Variants in NUP98 observed in about 807,000 individuals in gnomAD.
NUP98 encodes nucleoporin 98 and 96 precursor, also known as nuclear pore complex protein Nup98-Nup96.
Under a neutral mutation model 191.9 loss-of-function variants are expected in NUP98, and 26 were observed. The ratio of observed to expected loss-of-function variants is 0.14; its 90% confidence interval spans 0.10 to 0.19. The LOEUF (loss-of-function observed/expected upper bound fraction) is 0.19. Among genes scored for constraint, NUP98 ranks in the 10% least tolerant of loss-of-function variants. The pLI, the probability that NUP98 is intolerant of heterozygous loss-of-function variation, is 1.00. For missense variants in NUP98, 1,941 were observed against 2,178.8 expected (o/e 0.89, Z 2.17); for synonymous variants, 808 against 778.4 (o/e 1.04, Z -0.63).
Position 3,675,110 on chromosome 11 carries a change from T to A in NUP98, c.*1049A>T, listed in dbSNP as rs574092709. On this transcript the variant is annotated 3_prime_UTR_variant, in exon 33 of 33. Coordinates refer to ENST00000324932, the MANE Select transcript of NUP98 (RefSeq NM_016320.5). ...TTTATTTATACATATATATATTTTTTAATAAAAACCTTTACATTATCTTCA... is the reference window on the plus strand; with the variant it reads ...TTTATTTATACATATATATATTTTTAAATAAAAACCTTTACATTATCTTCA... 163 of 184,448 alleles carry A rather than the reference T, an allele frequency of 8.8e-4. 1 individual carries two copies. The highest frequency in any genetic ancestry group is 1.5e-3 in the Non-Finnish European group (132 of 86,612). 11.4% of individuals were successfully genotyped at this position (184,448 alleles called of 1,614,324 possible). A position where few individuals can be genotyped will look rare whatever the true frequency, so the allele number is the denominator to read the frequency against.
Position 3,711,748 on chromosome 11 carries a change from A to G in NUP98, c.2742+816T>C, listed in dbSNP as rs192131929. 6.4e-5 allele frequency: 37 copies of G among 582,246 alleles called. No homozygotes were observed. In the African/African-American group the frequency reaches 6.8e-4, roughly 11 times the overall value. The allele number at this position is 582,246 out of a possible 1,614,324, so 36.1% of individuals were successfully genotyped here. ...ATGCTACCAAGATTATAAACATAAA[A>G]GTCAATATATTTCCAGTTTCCCACA... is the stretch of plus-strand genomic sequence containing the variant. On this transcript the variant is annotated intron_variant, in intron 20 of 32. Transcript: ENST00000324932.
rs1014978256 is a variant in NUP98, at chr11:3,762,767, A to G, written c.1086+135T>C. 1.6e-5 allele frequency: 14 copies of G among 865,254 alleles called. No individual in the cohort carries two copies. The African/African-American group carries it at 2.1e-4, about 13-fold the overall frequency. The allele number at this position is 865,254 out of a possible 1,614,324, so 53.6% of individuals were successfully genotyped here. On this transcript the variant is annotated intron_variant, in intron 9 of 32. Coordinates refer to ENST00000324932, the MANE Select transcript of NUP98 (RefSeq NM_016320.5). ...TTATATCAAATAATTTTTTGTTCTC[A>G]GAATCAAATCATATTAGGCTGGTGC... is the stretch of plus-strand genomic sequence containing the variant.
chr11:3,769,526 T>C (rs928956367), intron 7 of NUP98, among the ~76,000 whole-genome samples: 1 of 143,156 alleles, frequency 7.0e-6, no homozygotes, highest in Non-Finnish European at 1.5e-5. Flanking sequence ...CAGTGAGCTA[T>C]GATTGCTCCA....
At chr11:3,733,238 AT>A (rs2079912331) in intron 13 of NUP98, among the ~76,000 whole-genome samples, 1 of 151,718 alleles carries the variant, frequency 6.6e-6, no homozygotes, top group African/African-American at 2.4e-5. Flanking sequence ...CTTTCTTATG[AT>A]TTGCCTATTC....
At chr11:3,691,930 C>G (rs1005945375) in intron 27 of NUP98, among the ~76,000 whole-genome samples, 20 of 152,098 alleles carry the variant, frequency 1.3e-4, no homozygotes, top group Admixed American at 1.2e-3. Context: ...TGGCTTGAGC[C>G]TATAATCCCA....
chr11:3,724,985 G>A (rs2079560101), intron 15 of NUP98, 118 bp downstream of exon 15: 1 of 553,528 alleles, frequency 1.8e-6, no homozygotes, highest in Non-Finnish European at 3.2e-6. Context: ...TCATAAGCTT[G>A]TAATACTTCT....
At chr11:3,774,800 T>C (rs2133918968) in intron 5 of NUP98, among the ~76,000 whole-genome samples, 1 of 152,324 alleles carries the variant, frequency 6.6e-6, no homozygotes, top group East Asian at 1.9e-4. Flanking sequence ...CCTGCTGGTA[T>C]TGCCAGTTTT....
intron 28 of NUP98, among the ~76,000 whole-genome samples, 170 bp downstream of exon 28, chr11:3,691,177 T>A (rs142496566): frequency 5.6e-4 from 86 of 152,342 alleles, no homozygotes; most frequent in African/African-American, 2.0e-3. Context: ...ATTTTTAGAC[T>A]TCTAATTCTA....
At chr11:3,729,543 C>CAA (rs36045405) in intron 14 of NUP98, among the ~76,000 whole-genome samples, 639 of 55,710 alleles carry the variant, frequency 0.011, 11 homozygotes, top group African/African-American at 0.031. Flanking sequence ...CCTGTATCTC[C>CAA]AAAAAAAAAA....
chr11:3,777,464 T>G (rs997002924), intron 4 of NUP98, among the ~76,000 whole-genome samples: 4 of 151,506 alleles, frequency 2.6e-5, no homozygotes. Context: ...CTACTAAAAA[T>G]ACAAAAATTA....
In NUP98 at chr11:3,760,748, T is replaced by C. The variant is rs2081136351; in HGVS notation, c.1087-122A>G. 4.6e-6 allele frequency: 3 copies of C among 653,732 alleles called. No individual in the cohort carries two copies. The South Asian group carries it at 7.0e-5, about 15-fold the overall frequency. 40.5% of individuals were successfully genotyped at this position (653,732 alleles called of 1,614,324 possible). Reference sequence around the variant, plus strand: ...TGGGAGAAAGATGTCCTAACATTCATAAAAAAGGTAGAAAAAAGATGAATA... The same window carrying C: ...TGGGAGAAAGATGTCCTAACATTCACAAAAAAGGTAGAAAAAAGATGAATA... On this transcript the variant is annotated intron_variant, in intron 9 of 32. Transcript: ENST00000324932.
intron 20 of NUP98, among the ~76,000 whole-genome samples, chr11:3,710,766 A>G (rs569770999): frequency 6.6e-6 from 1 of 152,344 alleles, no homozygotes. Context: ...AATAAATATG[A>G]AAGAATTCTC....
intron 12 of NUP98, among the ~76,000 whole-genome samples, 200 bp downstream of exon 12, chr11:3,744,309 C>A (rs2080405942): frequency 6.6e-6 from 1 of 152,126 alleles, no homozygotes; most frequent in South Asian, 2.1e-4. Context: ...AAAGTGGTTT[C>A]TTTGACAGAG....
At chr11:3,779,756 A>G (rs929752133) in intron 2 of NUP98, among the ~76,000 whole-genome samples, 2 of 152,348 alleles carry the variant, frequency 1.3e-5, no homozygotes, top group Admixed American at 1.3e-4. Context: ...CATTTTATTC[A>G]TCGCCCCAGG....
intron 9 of NUP98, among the ~76,000 whole-genome samples, chr11:3,760,912 G>GA (rs1208046004): frequency 2.0e-5 from 3 of 151,998 alleles, no homozygotes; most frequent in African/African-American, 7.2e-5. Flanking sequence ...GTGAGGCAAA[G>GA]AAAAAAATAA....
chr11:3,759,982 T>C (rs2081109732), intron 10 of NUP98, among the ~76,000 whole-genome samples: 1 of 152,014 alleles, frequency 6.6e-6, no homozygotes, highest in African/African-American at 2.4e-5. Context: ...TGGCTGGGAC[T>C]ACAGGTGCTC....
chr11:3,739,257 AT>A (rs1049505324), intron 12 of NUP98, among the ~76,000 whole-genome samples: 5 of 150,382 alleles, frequency 3.3e-5, no homozygotes, highest in African/African-American at 9.8e-5. Context: ...AATTAAAACA[AT>A]TTTTTTTTTG....
chr11:3,767,382 C>T (rs2081374452), intron 8 of NUP98, among the ~76,000 whole-genome samples: 1 of 151,572 alleles, frequency 6.6e-6, no homozygotes, highest in South Asian at 2.1e-4. Flanking sequence ...GGTTGGAGTG[C>T]CATGGAGCAA....
rs2079362426 is a variant in NUP98, at chr11:3,720,830, GAC to G, written c.2147-7_2147-6del. 4.1e-5 allele frequency: 13 copies of G among 317,056 alleles called. No homozygotes were observed. The highest frequency in any genetic ancestry group is 1.5e-4 in the Admixed American group (2 of 13,166). The allele number at this position is 317,056 out of a possible 1,614,324, so 19.6% of individuals were successfully genotyped here. On this transcript the variant is annotated splice_polypyrimidine_tract_variant and splice_region_variant and intron_variant, in intron 16 of 32. Coordinates refer to ENST00000324932, the MANE Select transcript of NUP98 (RefSeq NM_016320.5). The stretch of plus-strand genomic sequence containing the variant: ...CAACCTTAGTGAGAATAATACCTGT[GAC>G]AAAAAAAAAAAAAAAAACAGAAAAA...
Sources: allele counts gnomAD v4.1 joint callset (sites outside exome capture counted in the v4.1 genomes callset), GRCh38; gene constraint gnomAD v4.1.1; transcripts MANE v1.5; gene names NCBI Gene and HGNC (gene_info 2026-07-23, HGNC 2026-07-21).